The following ZNF385D variants were observed in gnomAD, a reference collection of about 807,000 sequenced individuals.
ZNF385D encodes zinc finger protein 659.
In ZNF385D, 15 loss-of-function variants were observed where a neutral mutation model predicts 35.8. The ratio of observed to expected loss-of-function variants is 0.42; its 90% CI spans 0.28 to 0.64. The LOEUF (loss-of-function observed/expected upper bound fraction) is 0.64. Among genes scored for constraint, ZNF385D ranks in the 30% least tolerant of loss-of-function variants. The pLI is 0.23. For missense variants in ZNF385D, 474 were observed against 494.6 expected (o/e 0.96, Z 0.39); for synonymous variants, 212 against 186.8 (o/e 1.13, Z -1.10).
At position 21,414,160 on chromosome 3, in the gene ZNF385D, T is replaced by C. The variant is rs1700530004; in HGVS notation, c.*7054A>G. Reference sequence around the variant, plus strand: ...TAACTTATTTTTCTCACCTAGGCTTTTATTTAATAAAAATTGCTGTGGATT... The same window carrying C: ...TAACTTATTTTTCTCACCTAGGCTTCTATTTAATAAAAATTGCTGTGGATT... On this transcript the variant is annotated 3_prime_UTR_variant, in exon 8 of 8. Transcript: ENST00000281523. 1 of 151,978 alleles carries C rather than the reference T, an allele frequency of 6.6e-6. No individual in the cohort carries two copies. The highest frequency in any genetic ancestry group is 2.1e-4 in the South Asian group (1 of 4,830). The allele number at this position is 151,978 out of a possible 1,614,324, so 9.4% of individuals were successfully genotyped here.
At chr3:21,460,678 TC>T (rs1703113018) in intron 4 of ZNF385D, among the ~76,000 whole-genome samples, 1 of 151,684 alleles carries the variant, frequency 6.6e-6, no homozygotes, top group African/African-American at 2.4e-5. Flanking sequence ...CATTTTCTAT[TC>T]ACTACAATTT....
intron 3 of ZNF385D, among the ~76,000 whole-genome samples, chr3:21,997,863 G>A (rs1397550477): frequency 4.5e-5 from 4 of 89,198 alleles, no homozygotes; most frequent in African/African-American, 7.0e-5. Context: ...TTTGGCGCGC[G>A]CGCGCGCGCG....
intron 3 of ZNF385D, among the ~76,000 whole-genome samples, chr3:21,861,620 T>A (rs761849207): frequency 4.6e-5 from 7 of 152,146 alleles, no homozygotes; most frequent in Non-Finnish European, 8.8e-5. Flanking sequence ...CCAGATGGCA[T>A]ATAGGGAGAA....
chr3:21,531,901 T>C (rs2061931363), intron 3 of ZNF385D, among the ~76,000 whole-genome samples: 1 of 152,182 alleles, frequency 6.6e-6, no homozygotes, highest in Admixed American at 6.5e-5. Context: ...TTGGTAATAA[T>C]GATGTGTCAG....
At chr3:22,072,552 T>C (rs1435080818) in intron 3 of ZNF385D, among the ~76,000 whole-genome samples, 14 of 152,026 alleles carry the variant, frequency 9.2e-5, no homozygotes, top group Admixed American at 9.2e-4. Flanking sequence ...GTTATAGAGT[T>C]GCAATTTTTA....
intron 1 of ZNF385D, among the ~76,000 whole-genome samples, chr3:21,698,765 G>T (rs999163898): frequency 6.6e-6 from 1 of 151,978 alleles, no homozygotes; most frequent in Non-Finnish European, 1.5e-5. Flanking sequence ...GGTCATTAGA[G>T]AAATGTAAAT....
At chr3:21,797,607 T>C (rs548115627) in intron 3 of ZNF385D, among the ~76,000 whole-genome samples, 180 of 152,282 alleles carry the variant, frequency 1.2e-3, no homozygotes, top group African/African-American at 4.0e-3. Context: ...TGTTTTTACA[T>C]AGGTGAATAG....
At chr3:21,851,158 A>G (rs1479198758) in intron 3 of ZNF385D, among the ~76,000 whole-genome samples, 4 of 152,014 alleles carry the variant, frequency 2.6e-5, no homozygotes, top group Non-Finnish European at 4.4e-5. Flanking sequence ...AAAAGAACCA[A>G]ATAAAAACTA....
At chr3:21,719,013 C>A (rs1318649493) in intron 1 of ZNF385D, among the ~76,000 whole-genome samples, 1 of 152,196 alleles carries the variant, frequency 6.6e-6, no homozygotes, top group Non-Finnish European at 1.5e-5. Context: ...TAGTCTGATA[C>A]AGTGCCCAAG....
At chr3:21,512,703 G>C (rs1190418488) in intron 3 of ZNF385D, among the ~76,000 whole-genome samples, 1 of 152,194 alleles carries the variant, frequency 6.6e-6, no homozygotes, top group African/African-American at 2.4e-5. Context: ...ACATGCTATA[G>C]TTAATTGAGG....
At chr3:21,545,102 T>C (rs1214398161) in intron 3 of ZNF385D, among the ~76,000 whole-genome samples, 1 of 152,262 alleles carries the variant, frequency 6.6e-6, no homozygotes, top group Non-Finnish European at 1.5e-5. Context: ...GTTAAGTTAT[T>C]GTAAACCATA....
At chr3:22,102,284 C>T (rs191755928) in intron 3 of ZNF385D, among the ~76,000 whole-genome samples, 3 of 152,124 alleles carry the variant, frequency 2.0e-5, no homozygotes, top group African/African-American at 7.2e-5. Flanking sequence ...CATGATTTCA[C>T]TTCATTCCTC....
chr3:21,506,881 C>T (rs1312277555), intron 4 of ZNF385D, among the ~76,000 whole-genome samples: 1 of 152,086 alleles, frequency 6.6e-6, no homozygotes, highest in Non-Finnish European at 1.5e-5. Flanking sequence ...GATAGATGAA[C>T]TAGGCATTCT....
At chr3:22,179,404 T>G (rs1232928501) in intron 2 of ZNF385D, among the ~76,000 whole-genome samples, 1 of 152,280 alleles carries the variant, frequency 6.6e-6, no homozygotes, top group African/African-American at 2.4e-5. Flanking sequence ...TATTGGTGTA[T>G]AAGAATGCTT....
chr3:21,731,590 G>T (rs750104215), intron 1 of ZNF385D, among the ~76,000 whole-genome samples: 2 of 152,194 alleles, frequency 1.3e-5, no homozygotes, highest in Non-Finnish European at 2.9e-5. Flanking sequence ...AATGTGTAAT[G>T]TCATATCCCT....
intron 4 of ZNF385D, among the ~76,000 whole-genome samples, chr3:21,464,566 A>C (rs994320194): frequency 6.6e-6 from 1 of 151,950 alleles, no homozygotes; most frequent in African/African-American, 2.4e-5. Context: ...ACAACAGTCA[A>C]CTCTTCCTTA....
chr3:22,084,409 A>G (rs554300589), intron 3 of ZNF385D, among the ~76,000 whole-genome samples: 118 of 152,310 alleles, frequency 7.7e-4, no homozygotes, highest in African/African-American at 2.8e-3. Flanking sequence ...GGAAAACAAA[A>G]AAAGCAGGGG....
At chr3:21,791,510 G>T (rs1237612220) in intron 3 of ZNF385D, among the ~76,000 whole-genome samples, 2 of 152,156 alleles carry the variant, frequency 1.3e-5, no homozygotes, top group Non-Finnish European at 2.9e-5. Context: ...GAAGAAATCT[G>T]GCTCCTTCAA....
At chr3:21,543,813 T>A (rs1349646778) in intron 3 of ZNF385D, among the ~76,000 whole-genome samples, 1 of 152,218 alleles carries the variant, frequency 6.6e-6, no homozygotes, top group East Asian at 1.9e-4. Flanking sequence ...TTATATTTTC[T>A]GCAAAGTTTT....
Sources: allele counts gnomAD v4.1 joint callset (sites outside exome capture counted in the v4.1 genomes callset), GRCh38; gene constraint gnomAD v4.1.1; transcripts MANE v1.5; gene names NCBI Gene and HGNC (gene_info 2026-07-23, HGNC 2026-07-21).